ANK1: variants seen among roughly 807,000 people sequenced by gnomAD.
ANK1 encodes the protein ankyrin-1.
In ANK1, 51 loss-of-function variants were observed where a neutral mutation model predicts 210.4. The ratio of observed to expected loss-of-function variants is 0.24; its 90% CI spans 0.19 to 0.31. The LOEUF is 0.31. Ranked by LOEUF, ANK1 falls within the 10% of genes least tolerant of loss-of-function variation. The pLI, the probability that ANK1 is intolerant of heterozygous loss-of-function variation, is 1.00. For missense variants in ANK1, 2,051 were observed against 2,504.4 expected (o/e 0.82, Z 3.86); for synonymous variants, 967 against 1,025.9 (o/e 0.94, Z 1.10).
chr8:41,882,350 G>C (rs1223802150), intron 1 of ANK1, among the ~76,000 whole-genome samples: 2 of 152,106 alleles, frequency 1.3e-5, no homozygotes, highest in Non-Finnish European at 2.9e-5. Context: ...CCACAGTAGA[G>C]GGTTCCAGCT....
chr8:41,857,905 A>AAAATAAATAAAT lies in ANK1; in HGVS notation c.126+38438_126+38449dup, dbSNP rs112696006. 1.9e-3 allele frequency among the ~76,000 whole-genome samples: 281 copies of AAAATAAATAAAT among 150,958 alleles called. 1 individual carries two copies. The highest frequency in any genetic ancestry group is 6.8e-3 in the Middle Eastern group (2 of 294). On this transcript the variant is annotated intron_variant, in intron 1 of 42. Transcript: ENST00000265709. Reference sequence around the variant, plus strand: ...GGCGACAGAGTGAGACTCCATCTCAAAAATAAATAAATAAATAAATAAATA... The same window carrying AAAATAAATAAAT: ...GGCGACAGAGTGAGACTCCATCTCAAAAATAAATAAATAAATAAATAAATAAATAAATAAATA...
chr8:41,689,595 C>T (rs936003384), intron 33 of ANK1, among the ~76,000 whole-genome samples: 2 of 152,148 alleles, frequency 1.3e-5, no homozygotes, highest in African/African-American at 4.8e-5. Flanking sequence ...CAACGAAAAC[C>T]ACAGAGACGG....
At chr8:41,712,364 A>T (rs1826389863) in intron 16 of ANK1, among the ~76,000 whole-genome samples, 1 of 152,250 alleles carries the variant, frequency 6.6e-6, no homozygotes, top group Non-Finnish European at 1.5e-5. Flanking sequence ...TGTCCTGCCC[A>T]AGGGTAGGCC....
intron 2 of ANK1, among the ~76,000 whole-genome samples, chr8:41,751,725 G>A (rs187873725): frequency 2.6e-5 from 4 of 152,110 alleles, no homozygotes; most frequent in Admixed American, 1.3e-4. Context: ...CCTGGCCCCC[G>A]CACCAGCCTC....
chr8:41,762,354 A>G (rs907947147), intron 1 of ANK1, among the ~76,000 whole-genome samples: 4 of 151,862 alleles, frequency 2.6e-5, no homozygotes, highest in African/African-American at 9.7e-5. Flanking sequence ...TCTAGGAACC[A>G]CAAAACAGGA....
In ANK1 at chr8:41,724,437, G is replaced by A. The variant is rs370282845; in HGVS notation, c.711+19C>T. The A allele has an allele frequency of 3.6e-5, 55 of 1,547,396 alleles. No individual in the cohort carries two copies. The highest frequency in any genetic ancestry group is 3.4e-4 in the African/African-American group (25 of 73,216). ...CCCCAAGCCCCCGGACAGTGAGGGC[G>A]CACGTGCCCCAGGGTTACCTGTGGT... On this transcript the variant is annotated intron_variant, in intron 7 of 42. Coordinates refer to ENST00000289734, the MANE Select transcript of ANK1 (RefSeq NM_000037.4).
chr8:41,790,872 G>A (rs1476785011), intron 1 of ANK1, among the ~76,000 whole-genome samples: 2 of 152,142 alleles, frequency 1.3e-5, no homozygotes, highest in Non-Finnish European at 1.5e-5. Flanking sequence ...TCCCAAGCGG[G>A]ACTTAGACAT....
chr8:41,716,389 G>T (rs1231328601), intron 13 of ANK1, among the ~76,000 whole-genome samples: 1 of 152,036 alleles, frequency 6.6e-6, no homozygotes, highest in Non-Finnish European at 1.5e-5. Context: ...CTGCTGTCGG[G>T]CTGCCTGGGC....
At chr8:41,830,177 G>GC (rs1171773077) in intron 1 of ANK1, among the ~76,000 whole-genome samples, 1 of 151,192 alleles carries the variant, frequency 6.6e-6, no homozygotes, top group African/African-American at 2.4e-5. Context: ...AGTTCTCTGG[G>GC]CAGGGGTCAG....
rs555272770 is a variant in ANK1, at chr8:41,802,948, AGG to A, written c.127-44813_127-44812del. The stretch of plus-strand genomic sequence containing the variant: ...AAGAAAGAGAGAAAGGGAGAGAGAA[AGG>A]GGGGGGGGGAGAGAGAGAGAGATGA... On this transcript the variant is annotated intron_variant, in intron 1 of 42. Transcript: ENST00000265709. Among the ~76,000 whole-genome samples, 55 of 31,096 alleles carry A rather than the reference AGG, an allele frequency of 1.8e-3. 7 individuals carry two copies. The highest frequency in any genetic ancestry group is 5.7e-3 in the African/African-American group (52 of 9,166). 20.4% of individuals were successfully genotyped at this position (31,096 alleles called of 152,430 possible). A position where few individuals can be genotyped will look rare whatever the true frequency, so the allele number is the denominator to read the frequency against.
chr8:41,661,927 C>G lies in ANK1; in HGVS notation c.5493G>C (p.Val1831=). ...CGCTGGACAAGTCTATCTGTCGAAC[C>G]ACCTTGCGAATGATCTAGGAAAGGA... ...NIVTKKIIRK[V]VRQIDLSSAD... Residue 1831 remains valine, a synonymous_variant, in exon 41 of 43, where the codon GTG becomes GTC. Coordinates refer to ENST00000289734, the MANE Select transcript of ANK1 (RefSeq NM_000037.4). 2 of 1,614,026 alleles carry G rather than the reference C, an allele frequency of 1.2e-6. No individual in the cohort carries two copies. The highest frequency in any genetic ancestry group is 1.6e-4 in the Middle Eastern group (1 of 6,062).
At chr8:41,896,489 A>T in exon 1 of ANK1, 1 of 1,591,294 alleles carries the variant, frequency 6.3e-7, no homozygotes, top group South Asian at 1.1e-5. Flanking sequence ...ATGGCGGGTC[A>T]CGGCGCTCCC....
At chr8:41,736,615 G>A (rs1833494196) in intron 2 of ANK1, among the ~76,000 whole-genome samples, 1 of 152,230 alleles carries the variant, frequency 6.6e-6, no homozygotes, top group African/African-American at 2.4e-5. Flanking sequence ...GACGGCTGGG[G>A]TTTTAGTGCT....
chr8:41,896,546 AC>A (rs1290802029), exon 1 of ANK1: 114 of 1,521,012 alleles, frequency 7.5e-5, no homozygotes, highest in Non-Finnish European at 1.0e-4. Context: ...CCGAGGCGAC[AC>A]CCCCTAAGAA....
chr8:41,856,874 CTTTTTT>C (rs35341809), intron 1 of ANK1, among the ~76,000 whole-genome samples: 1,409 of 95,298 alleles, frequency 0.015, 13 homozygotes, highest in Non-Finnish European at 0.02. Flanking sequence ...TAACAGCCCT[CTTTTTT>C]TTTTTTTTTT....
upstream of ANK1, chr8:41,797,707 C>T (rs954169366): frequency 9.2e-7 from 1 of 1,085,590 alleles, no homozygotes; most frequent in Non-Finnish European, 1.2e-6. This position sits in a 1 kb window ranked among gnomAD's most constrained non-coding sequence, Gnocchi z 4.0. Flanking sequence ...GCTCCCGGCA[C>T]GGGCGGGCGG....
At chr8:41,854,542 C>T (rs991442751) in intron 1 of ANK1, among the ~76,000 whole-genome samples, 6 of 152,150 alleles carry the variant, frequency 3.9e-5, no homozygotes, top group Admixed American at 2.6e-4. Context: ...CATAATGCTT[C>T]GGTGAGTGGT....
At chr8:41,767,850 C>T (rs1359432064) in intron 1 of ANK1, among the ~76,000 whole-genome samples, 1 of 152,192 alleles carries the variant, frequency 6.6e-6, no homozygotes, top group African/African-American at 2.4e-5. Flanking sequence ...CGGAGCTTGC[C>T]GAGACGTGGC....
chr8:41,767,840 C>A (rs1394486062), intron 1 of ANK1, among the ~76,000 whole-genome samples: 1 of 152,156 alleles, frequency 6.6e-6, no homozygotes, highest in Non-Finnish European at 1.5e-5. Context: ...GAATGGGCCC[C>A]GGAGCTTGCC....
Sources: gnomAD v4.1 joint callset for allele counts (sites outside exome capture counted in the v4.1 genomes callset) on GRCh38, gnomAD v4.1.1 for gene constraint, Gnocchi (gnomAD v3.1) non-coding constraint, MANE v1.5 for transcripts, NCBI Gene and HGNC (gene_info 2026-07-23, HGNC 2026-07-21) for gene names.